NME5: variants seen among roughly 807,000 people sequenced by gnomAD.
NME5 encodes the protein nucleoside diphosphate kinase 5.
NME5 carries 18 observed loss-of-function variants against 21.6 expected under a neutral mutation model. That is an observed-to-expected ratio of 0.83 (90% CI 0.58 to 1.24). NME5 has a LOEUF of 1.24. Ranked by LOEUF, NME5 falls within the 50% of genes most tolerant of loss-of-function variation. NME5 has a pLI of 0.00. For missense variants in NME5, 223 were observed against 255.4 expected (o/e 0.87, Z 0.86); for synonymous variants, 70 against 80.6 (o/e 0.87, Z 0.71).
In NME5 at chr5:138,129,472, T is replaced by A; in HGVS notation, c.130-4A>T. The A allele has an allele frequency of 6.2e-7, 1 of 1,608,738 alleles. No homozygotes were observed. Among genetic ancestry groups the A allele is most frequent in the East Asian group, 2.2e-5 (1 of 44,836 alleles). On this transcript the variant is annotated splice_polypyrimidine_tract_variant and splice_region_variant and intron_variant, in intron 2 of 5. Coordinates refer to ENST00000265191, the MANE Select transcript of NME5 (RefSeq NM_003551.3). The stretch of plus-strand genomic sequence containing the variant: ...GGCTGAGGCGTAGTTTTCTTCTCTA[T>A]AAAAGACACAAAGTCAACAAAAGCA...
intron 2 of NME5, among the ~76,000 whole-genome samples, chr5:138,135,613 G>C (rs150642450): frequency 0.02 from 3,066 of 152,160 alleles, 94 homozygotes; most frequent in African/African-American, 0.069. Flanking sequence ...GGGTTTACAG[G>C]CATGAGCCAC....
chr5:138,122,243 A>G (rs1751300011), intron 4 of NME5, among the ~76,000 whole-genome samples: 1 of 151,780 alleles, frequency 6.6e-6, no homozygotes, highest in Non-Finnish European at 1.5e-5. Context: ...GTTTGAGACC[A>G]GCCTGCCCAA....
At chr5:138,126,802 G>C (rs1751438178) in intron 4 of NME5, among the ~76,000 whole-genome samples, 1 of 151,854 alleles carries the variant, frequency 6.6e-6, no homozygotes, top group Non-Finnish European at 1.5e-5. Context: ...ATAAAAATTA[G>C]CCGGGCGTGG....
rs1561586403 is a variant in NME5 at position 138,120,227 on chromosome 5, G to GTTTTTTTTTTTTT, written c.437-1292_437-1291insAAAAAAAAAAAAA. ...TTACAGGTGCAAACCACTGCTCCCA[G>GTTTTTTTTTTTTT]CTCTTTTTTTTTTTTTTTTTTTTTT... On this transcript the variant is annotated intron_variant, in intron 4 of 5. Transcript: ENST00000265191. Among the ~76,000 whole-genome samples the GTTTTTTTTTTTTT allele has an allele frequency of 2.5e-5, 3 of 118,044 alleles. 1 individual carries two copies. Among genetic ancestry groups the GTTTTTTTTTTTTT allele is most frequent in the Non-Finnish European group, 3.4e-5 (2 of 59,396 alleles). 77.4% of individuals were successfully genotyped at this position (118,044 alleles called of 152,430 possible).
intron 4 of NME5, 53 bp from the exon 5 acceptor site, chr5:138,118,989 A>T: frequency 3.9e-6 from 4 of 1,026,186 alleles, no homozygotes; most frequent in South Asian, 1.4e-5. Flanking sequence ...TAAATACTAT[A>T]CAATCATTAA....
chr5:138,136,874 C>T (rs573434300), intron 2 of NME5, among the ~76,000 whole-genome samples: 1 of 151,906 alleles, frequency 6.6e-6, no homozygotes, highest in Non-Finnish European at 1.5e-5. Flanking sequence ...AACTCCTGAC[C>T]TCAGGTGATC....
At position 138,115,572 on chromosome 5, in the gene NME5, T is replaced by G; in HGVS notation, c.*109A>C. 1 of 576,414 alleles carries G rather than the reference T, an allele frequency of 1.7e-6. No homozygotes were observed. Among genetic ancestry groups the G allele is most frequent in the Non-Finnish European group, 2.9e-6 (1 of 346,448 alleles). 35.7% of individuals were successfully genotyped at this position (576,414 alleles called of 1,614,324 possible). On this transcript the variant is annotated 3_prime_UTR_variant, in exon 6 of 6. Transcript: ENST00000265191. ...TAACACTTATTTTTAAGAAATAAAT[T>G]TATTTTACTTGTAGTTACTTAAACC...
intron 4 of NME5, 23 bp from the exon 5 acceptor site, chr5:138,118,959 A>C: frequency 1.4e-5 from 18 of 1,281,980 alleles, no homozygotes; most frequent in Non-Finnish European, 1.8e-5. Context: ...ATGTATTCTC[A>C]TTGATGCAAA....
At chr5:138,126,338 C>T (rs1031444165) in intron 4 of NME5, among the ~76,000 whole-genome samples, 13 of 151,276 alleles carry the variant, frequency 8.6e-5, no homozygotes, top group African/African-American at 2.9e-4. Context: ...GGCAAAACTC[C>T]GCTTCTACAA....
chr5:138,119,465 T>G (rs1751235422), intron 4 of NME5, among the ~76,000 whole-genome samples: 1 of 152,032 alleles, frequency 6.6e-6, no homozygotes, highest in Non-Finnish European at 1.5e-5. Flanking sequence ...CCCAAAGTGC[T>G]AGGATTGCGG....
At chr5:138,117,549 G>C (rs1294445047) in intron 5 of NME5, among the ~76,000 whole-genome samples, 1 of 152,070 alleles carries the variant, frequency 6.6e-6, no homozygotes, top group Non-Finnish European at 1.5e-5. Context: ...ACTTCAATTT[G>C]AATAGACATT....
At chr5:138,132,513 G>A (rs1472468849) in intron 2 of NME5, among the ~76,000 whole-genome samples, 2 of 152,130 alleles carry the variant, frequency 1.3e-5, no homozygotes, top group South Asian at 2.1e-4. Flanking sequence ...ACTAAGTGAA[G>A]GCTAAAAATC....
At chr5:138,124,919 T>G (rs1021167122) in intron 4 of NME5, among the ~76,000 whole-genome samples, 2 of 152,160 alleles carry the variant, frequency 1.3e-5, no homozygotes, top group African/African-American at 4.8e-5. Context: ...CCTTGTTTTA[T>G]TTATTTATTT....
At chr5:138,126,424 T>C (rs1751425936) in intron 4 of NME5, among the ~76,000 whole-genome samples, 1 of 144,412 alleles carries the variant, frequency 6.9e-6, no homozygotes, top group African/African-American at 2.6e-5. Flanking sequence ...GGTGGGAAGA[T>C]TACTTGAGTC....
At chr5:138,119,807 T>C (rs964794794) in intron 4 of NME5, among the ~76,000 whole-genome samples, 7 of 151,708 alleles carry the variant, frequency 4.6e-5, no homozygotes, top group Non-Finnish European at 7.4e-5. Context: ...CAGTTTTCAG[T>C]TGGGATGTTT....
intron 2 of NME5, among the ~76,000 whole-genome samples, chr5:138,134,710 TTAA>T (rs915164521): frequency 2.0e-5 from 3 of 150,840 alleles, no homozygotes; most frequent in African/African-American, 7.3e-5. Flanking sequence ...CACTAGCCAC[TTAA>T]TTATTAAGTT....
chr5:138,132,835 C>T (rs1487783701), intron 2 of NME5, among the ~76,000 whole-genome samples: 3 of 151,904 alleles, frequency 2.0e-5, no homozygotes, highest in African/African-American at 7.3e-5. Flanking sequence ...ATTCATACAG[C>T]GATTAAATAA....
chr5:138,134,583 T>G (rs867575281), intron 2 of NME5, among the ~76,000 whole-genome samples: 5 of 151,878 alleles, frequency 3.3e-5, no homozygotes, highest in African/African-American at 4.8e-5. Flanking sequence ...TTTCACCACA[T>G]TGGCCAGGGT....
chr5:138,118,346 TGATC>T (rs1280783930), intron 5 of NME5, among the ~76,000 whole-genome samples: 1 of 151,556 alleles, frequency 6.6e-6, no homozygotes, highest in Non-Finnish European at 1.5e-5. Context: ...AGGATGGTCT[TGATC>T]TCCTGACCTA....
Sources: gnomAD v4.1 joint callset for allele counts (sites outside exome capture counted in the v4.1 genomes callset) on GRCh38, gnomAD v4.1.1 for gene constraint, MANE v1.5 for transcripts, NCBI Gene and HGNC (gene_info 2026-07-23, HGNC 2026-07-21) for gene names.